The following CNTN3 variants were observed in gnomAD, a reference collection of about 807,000 sequenced individuals.
CNTN3 encodes contactin-3.
CNTN3 carries 60 observed loss-of-function variants against 119.1 expected under a neutral mutation model. The observed-to-expected ratio is 0.50, with a 90% confidence interval of 0.41 to 0.62. CNTN3 has a LOEUF of 0.62. Ranked by LOEUF, CNTN3 falls within the 20% of genes least tolerant of loss-of-function variation. The pLI is 0.00. For missense variants in CNTN3, 1,101 were observed against 1,242.4 expected, an observed-to-expected ratio of 0.89 and a Z score of 1.71; for synonymous variants, 450 against 438.7, an observed-to-expected ratio of 1.03 and a Z score of -0.32.
In CNTN3 at chr3:74,553,833, A is replaced by G. The variant is rs141403510; in HGVS notation, c.-80-32641T>C. 1.8e-3 allele frequency among the ~76,000 whole-genome samples: 281 copies of G among 152,132 alleles called. 2 individuals are homozygous for G. Among genetic ancestry groups the G allele is most frequent in the African/African-American group, 6.2e-3 (259 of 41,502 alleles). ...CGGATATTAGCCCTCCGTCAGATGG[A>G]TAGATTGCAAAAATTTTCTCCCATT... On this transcript the variant is annotated intron_variant, in intron 1 of 22. Transcript: ENST00000263665.
chr3:74,537,690 G>T (rs74341305), intron 1 of CNTN3, among the ~76,000 whole-genome samples: 2,527 of 152,184 alleles, frequency 0.017, 40 homozygotes, highest in Admixed American at 0.054. Context: ...TTCCCCAAAT[G>T]AGCTGTTTTC....
At chr3:74,519,939 C>T (rs1703514515) in intron 2 of CNTN3, among the ~76,000 whole-genome samples, 1 of 151,554 alleles carries the variant, frequency 6.6e-6, no homozygotes, top group South Asian at 2.1e-4. Flanking sequence ...TATATATTAT[C>T]ATGTAAATAT....
At chr3:74,535,930 C>T (rs1260977457) in intron 1 of CNTN3, among the ~76,000 whole-genome samples, 1 of 152,024 alleles carries the variant, frequency 6.6e-6, no homozygotes, top group Non-Finnish European at 1.5e-5. Flanking sequence ...ATTCTAAAAC[C>T]TAGGGTTGGT....
intron 4 of CNTN3, among the ~76,000 whole-genome samples, chr3:74,452,103 G>C (rs948227381): frequency 7.0e-6 from 1 of 143,080 alleles, no homozygotes; most frequent in Non-Finnish European, 1.5e-5. Flanking sequence ...AATTACCTTG[G>C]GCAGTATGGC....
At chr3:74,512,933 TCA>T (rs1161789089) in intron 2 of CNTN3, among the ~76,000 whole-genome samples, 1 of 152,056 alleles carries the variant, frequency 6.6e-6, no homozygotes, top group Non-Finnish European at 1.5e-5. Flanking sequence ...AGACATTTGC[TCA>T]CACACACTCA....
chr3:74,269,192 T>C (rs1246788410), intron 20 of CNTN3, among the ~76,000 whole-genome samples: 3 of 152,162 alleles, frequency 2.0e-5, no homozygotes, highest in African/African-American at 7.2e-5. Context: ...TAACTTGGTT[T>C]AAGAAAAATT....
At chr3:74,370,507 A>G (rs1009576202) in intron 6 of CNTN3, among the ~76,000 whole-genome samples, 1 of 152,168 alleles carries the variant, frequency 6.6e-6, no homozygotes, top group Non-Finnish European at 1.5e-5. Flanking sequence ...CCCTAGTAGC[A>G]GAGATACCAA....
intron 5 of CNTN3, among the ~76,000 whole-genome samples, chr3:74,395,584 T>C (rs1209379618): frequency 6.6e-6 from 1 of 152,236 alleles, no homozygotes; most frequent in Non-Finnish European, 1.5e-5. Context: ...AGTTATTTTA[T>C]TGCCCTGAGC....
intron 5 of CNTN3, among the ~76,000 whole-genome samples, chr3:74,417,482 A>G (rs2106882431): frequency 6.6e-6 from 1 of 152,346 alleles, no homozygotes; most frequent in Non-Finnish European, 1.5e-5. Flanking sequence ...CCACAAATAA[A>G]TAGCTGTTTG....
chr3:74,600,249 T>G (rs1704887741), intron 1 of CNTN3, among the ~76,000 whole-genome samples: 1 of 152,020 alleles, frequency 6.6e-6, no homozygotes, highest in African/African-American at 2.4e-5. Flanking sequence ...AAAAGCAAAC[T>G]CAATTTCAAC....
chr3:74,429,775 C>T (rs539708272), intron 4 of CNTN3, among the ~76,000 whole-genome samples: 9 of 151,952 alleles, frequency 5.9e-5, no homozygotes, highest in Non-Finnish European at 1.2e-4. Flanking sequence ...AGTAAGACTG[C>T]CCAAAATTCA....
intron 3 of CNTN3, among the ~76,000 whole-genome samples, chr3:74,494,204 G>T (rs556729367): frequency 6.6e-6 from 1 of 151,966 alleles, no homozygotes; most frequent in African/African-American, 2.4e-5. Context: ...CAACCTTACC[G>T]ATTGCTTAAG....
intron 1 of CNTN3, among the ~76,000 whole-genome samples, chr3:74,541,312 T>G (rs1430329285): frequency 3.3e-5 from 5 of 152,130 alleles, no homozygotes; most frequent in African/African-American, 4.8e-5. Flanking sequence ...CATAGCAGCA[T>G]CATAGCTAAT....
At chr3:74,324,907 G>C (rs191306149) in intron 13 of CNTN3, among the ~76,000 whole-genome samples, 1 of 152,242 alleles carries the variant, frequency 6.6e-6, no homozygotes, top group East Asian at 1.9e-4. Flanking sequence ...ATATATATCG[G>C]GAATTTGTGT....
Position 74,456,564 on chromosome 3 carries a change from G to C in CNTN3, c.358+29892C>G, listed in dbSNP as rs76173636. Among the ~76,000 whole-genome samples the C allele has an allele frequency of 8.8e-3, 1,333 of 152,160 alleles. 16 individuals carry two copies. The highest frequency in any genetic ancestry group is 0.031 in the African/African-American group (1,267 of 41,538). ...GGAGGAATGGATGAAAACACAAAAAGATCATCTGTTCATTTACCATTAGGA... is the reference window on the plus strand; with the variant it reads ...GGAGGAATGGATGAAAACACAAAAACATCATCTGTTCATTTACCATTAGGA... On this transcript the variant is annotated intron_variant, in intron 4 of 22. Coordinates refer to ENST00000263665, the MANE Select transcript of CNTN3 (RefSeq NM_020872.3).
rs151043932 is a variant in CNTN3 at position 74,342,886 on chromosome 3, T to C, written c.1365-6228A>G. On this transcript the variant is annotated intron_variant, in intron 11 of 22. Coordinates refer to ENST00000263665, the MANE Select transcript of CNTN3 (RefSeq NM_020872.3). The stretch of plus-strand genomic sequence containing the variant: ...CTCATCTGAAACATTTGCATTCTTA[T>C]ACAAAGGAGTCTTTGGAAAAATTAT... Among the ~76,000 whole-genome samples, 371 of 152,286 alleles carry C rather than the reference T, an allele frequency of 2.4e-3. 2 individuals are homozygous for C. Among genetic ancestry groups the C allele is most frequent in the Middle Eastern group, 0.01 (3 of 294 alleles).
At chr3:74,284,610 T>C (rs1702073524) in intron 20 of CNTN3, among the ~76,000 whole-genome samples, 1 of 152,162 alleles carries the variant, frequency 6.6e-6, no homozygotes, top group South Asian at 2.1e-4. Context: ...TAAGTACCAA[T>C]AAAACAATAA....
chr3:74,513,288 C>T (rs1404056669), intron 2 of CNTN3, among the ~76,000 whole-genome samples: 2 of 152,046 alleles, frequency 1.3e-5, no homozygotes, highest in Non-Finnish European at 2.9e-5. Context: ...CAAGTGACAC[C>T]AATCAATGTC....
chr3:74,405,024 T>C (rs534112610), intron 5 of CNTN3, among the ~76,000 whole-genome samples: 3 of 152,142 alleles, frequency 2.0e-5, no homozygotes, highest in East Asian at 1.9e-4. Flanking sequence ...AAGTCAGTAT[T>C]TAGGCAAACT....
Sources: gnomAD v4.1 joint callset for allele counts (sites outside exome capture counted in the v4.1 genomes callset) on GRCh38, gnomAD v4.1.1 for gene constraint, MANE v1.5 for transcripts, NCBI Gene and HGNC (gene_info 2026-07-23, HGNC 2026-07-21) for gene names.